The following PDE1C variants were observed in gnomAD, a reference collection of about 807,000 sequenced individuals.
The protein encoded by PDE1C is dual specificity calcium/calmodulin-dependent 3',5'-cyclic nucleotide phosphodiesterase 1C.
A neutral mutation model predicts 93.1 loss-of-function variants in PDE1C; 62 were observed. That is an observed-to-expected ratio of 0.67 (90% CI 0.54 to 0.82). The LOEUF is 0.82. Ranked by LOEUF, PDE1C falls within the 40% of genes least tolerant of loss-of-function variation. The pLI, the probability that PDE1C is intolerant of heterozygous loss-of-function variation, is 0.00. For synonymous variants in PDE1C, 325 were observed against 310.1 expected (o/e 1.05, Z -0.50); for missense variants, 742 against 884.6 (o/e 0.84, Z 2.04).
chr7:31,642,280 C>A, the PDE1C span: 13 of 1,491,480 alleles, frequency 8.7e-6, no homozygotes, highest in East Asian at 2.7e-4. Context: ...TGGAACAGGG[C>A]CCTGTTGCTC....
intron 1 of PDE1C, among the ~76,000 whole-genome samples, chr7:32,309,320 ACT>A (rs1179406609): frequency 6.6e-6 from 1 of 152,198 alleles, no homozygotes; most frequent in Non-Finnish European, 1.5e-5. Flanking sequence ...GTTGGAAAAC[ACT>A]CTGCAGGATA....
chr7:31,639,405 C>T, the PDE1C span, among the ~76,000 whole-genome samples: 1 of 151,752 alleles, frequency 6.6e-6, no homozygotes, highest in Non-Finnish European at 1.5e-5. Flanking sequence ...TTACTGGAGA[C>T]GTTGTTTTCA....
intron 16 of PDE1C, among the ~76,000 whole-genome samples, chr7:31,801,354 T>A (rs1786011569): frequency 6.6e-6 from 1 of 151,460 alleles, no homozygotes; most frequent in African/African-American, 2.4e-5. Context: ...TTTAATTCTA[T>A]CATGGTCCAT....
chr7:31,884,143 G>A (rs774108164), intron 2 of PDE1C, among the ~76,000 whole-genome samples: 15 of 152,038 alleles, frequency 9.9e-5, no homozygotes, highest in East Asian at 1.9e-4. Context: ...AGAACAACCC[G>A]TCACTCTGTT....
intron 2 of PDE1C, among the ~76,000 whole-genome samples, chr7:31,916,388 A>C (rs1032264891): frequency 6.6e-6 from 1 of 152,212 alleles, no homozygotes; most frequent in Non-Finnish European, 1.5e-5. Flanking sequence ...CATGATAACT[A>C]TGATATAGCT....
In PDE1C at chr7:32,269,256, G is replaced by A. The variant is rs560246044; in HGVS notation, c.85+29395C>T. 3.3e-5 allele frequency among the ~76,000 whole-genome samples: 5 copies of A among 149,584 alleles called. No individual in the cohort carries two copies. In the East Asian group the frequency reaches 5.8e-4, roughly 17 times the overall value. On this transcript the variant is annotated intron_variant, in intron 1 of 18. Transcript: ENST00000396193. ...TGAAAACAGCAGATTCTGAGCCAGGGGGGGTGAGATGCTGCATTTCTAACA... is the reference window on the plus strand; with the variant it reads ...TGAAAACAGCAGATTCTGAGCCAGGAGGGGTGAGATGCTGCATTTCTAACA...
the PDE1C span, among the ~76,000 whole-genome samples, chr7:31,636,461 G>T: frequency 6.6e-6 from 1 of 152,200 alleles, no homozygotes; most frequent in Non-Finnish European, 1.5e-5. Flanking sequence ...TGTATGGAGA[G>T]TCCTTCAGTT....
chr7:32,143,610 A>G (rs1800659683), intron 3 of PDE1C, among the ~76,000 whole-genome samples: 1 of 152,126 alleles, frequency 6.6e-6, no homozygotes, highest in Non-Finnish European at 1.5e-5. Context: ...GAGATTAAAT[A>G]GGTTTAACTT....
At chr7:31,924,577 C>CCTGTTTT (rs59884031) in intron 2 of PDE1C, among the ~76,000 whole-genome samples, 86,943 of 151,452 alleles carry the variant, frequency 0.57, 25,103 homozygotes, top group Non-Finnish European at 0.6. Context: ...GCTACAGGCA[C>CCTGTTTT]CTCGAAAGAG....
intron 2 of PDE1C, among the ~76,000 whole-genome samples, chr7:31,881,542 T>C (rs1797249391): frequency 6.6e-6 from 1 of 152,216 alleles, no homozygotes; most frequent in African/African-American, 2.4e-5. Flanking sequence ...TTAGTATTCA[T>C]GAGAACAATA....
intron 3 of PDE1C, among the ~76,000 whole-genome samples, chr7:32,100,166 G>T (rs1046828933): frequency 2.6e-5 from 4 of 152,262 alleles, no homozygotes; most frequent in Admixed American, 2.6e-4. Context: ...TTTATTGACA[G>T]TATAGAAGAA....
chr7:31,862,113 C>CA, intron 7 of PDE1C, among the ~76,000 whole-genome samples: 1 of 152,206 alleles, frequency 6.6e-6, no homozygotes, highest in East Asian at 1.9e-4. Flanking sequence ...TGGCTGAAGC[C>CA]AAAAAACACA....
intron 1 of PDE1C, among the ~76,000 whole-genome samples, chr7:32,284,118 A>T (rs184769160): frequency 4.6e-5 from 7 of 152,338 alleles, no homozygotes; most frequent in Admixed American, 2.0e-4. Context: ...GAGAAAATCT[A>T]ATACACCCGT....
chr7:32,136,761 G>T (rs772620479), intron 3 of PDE1C, among the ~76,000 whole-genome samples: 2 of 152,052 alleles, frequency 1.3e-5, no homozygotes, highest in Non-Finnish European at 2.9e-5. Flanking sequence ...TCAATTCTTT[G>T]CCCCCAGGAT....
At chr7:31,905,416 G>A (rs1800470713) in intron 2 of PDE1C, among the ~76,000 whole-genome samples, 1 of 152,044 alleles carries the variant, frequency 6.6e-6, no homozygotes, top group Non-Finnish European at 1.5e-5. Context: ...AGATGAAAAT[G>A]TCTATTTGAA....
chr7:32,029,251 T>A (rs1789931731), intron 2 of PDE1C, among the ~76,000 whole-genome samples: 1 of 151,468 alleles, frequency 6.6e-6, no homozygotes, highest in Admixed American at 6.6e-5. Flanking sequence ...GAATGTAAAT[T>A]AGTACAGTAC....
chr7:31,642,699 C>T, the PDE1C span: 1 of 1,613,416 alleles, frequency 6.2e-7, no homozygotes, highest in Non-Finnish European at 8.5e-7. Context: ...CCTTGCCAAA[C>T]AGCCAGAGTC....
chr7:32,034,054 C>CTG (rs5883321), intron 2 of PDE1C, among the ~76,000 whole-genome samples: 3,823 of 148,468 alleles, frequency 0.026, 93 homozygotes, highest in East Asian at 0.073. Flanking sequence ...AGATGAGAGA[C>CTG]TGTGTGTGTG....
intron 16 of PDE1C, among the ~76,000 whole-genome samples, chr7:31,797,209 G>T (rs1029379767): frequency 1.3e-5 from 2 of 151,670 alleles, no homozygotes; most frequent in Non-Finnish European, 3.0e-5. Context: ...GACTTAATTG[G>T]AACCCAAAGC....
Sources: allele counts gnomAD v4.1 joint callset (sites outside exome capture counted in the v4.1 genomes callset), GRCh38; gene constraint gnomAD v4.1.1; transcripts MANE v1.5; gene names NCBI Gene and HGNC (gene_info 2026-07-23, HGNC 2026-07-21).